The following PTPRQ variants were observed in gnomAD, a reference collection of about 807,000 sequenced individuals.
PTPRQ encodes the protein protein tyrosine phosphatase receptor type Q, also known as phosphatidylinositol phosphatase PTPRQ.
Under a neutral mutation model 246.0 loss-of-function variants are expected in PTPRQ, and 199 were observed. That is an observed-to-expected ratio of 0.81 (90% CI 0.72 to 0.91). The LOEUF (loss-of-function observed/expected upper bound fraction) is 0.91, where lower values mean the gene tolerates loss of function less well. Among genes scored for constraint, PTPRQ ranks in the 40% least tolerant of loss-of-function variants. The probability of loss-of-function intolerance (pLI) is 0.00; values close to 1 mark genes in which losing one functional copy is unlikely to be tolerated. For missense variants in PTPRQ, 2,624 were observed against 2,528.4 expected (o/e 1.04, Z -0.81); for synonymous variants, 869 against 853.2 (o/e 1.02, Z -0.32).
At chr12:80,482,420 C>G (rs1436147934) in intron 8 of PTPRQ, among the ~76,000 whole-genome samples, 2 of 152,032 alleles carry the variant, frequency 1.3e-5, no homozygotes, top group Non-Finnish European at 2.9e-5. Context: ...ACCATAAAAA[C>G]CCTAGAAGAA....
chr12:80,493,247 C>A (rs1894505125), intron 9 of PTPRQ, 28 bp from the exon 10 acceptor site: 2 of 1,407,008 alleles, frequency 1.4e-6, no homozygotes, highest in Non-Finnish European at 1.9e-6. Flanking sequence ...CTGTCACAGT[C>A]TTTTAAAATA....
intron 8 of PTPRQ, among the ~76,000 whole-genome samples, chr12:80,478,980 A>C (rs898962144): frequency 1.3e-5 from 2 of 152,060 alleles, no homozygotes; most frequent in African/African-American, 4.8e-5. Context: ...GAACTTCCCC[A>C]ATCTAGCAAG....
rs1895940601 is a variant in PTPRQ at position 80,534,830 on chromosome 12, G to A, written c.2840-62G>A. ...TTTATAAACTGTAGGTAAAATTCAGGCCATTTCAGACATTACTTGTAAACA... is the reference window on the plus strand; with the variant it reads ...TTTATAAACTGTAGGTAAAATTCAGACCATTTCAGACATTACTTGTAAACA... On this transcript the variant is annotated intron_variant, in intron 18 of 44. Transcript: ENST00000644991. 8 of 1,479,650 alleles carry A rather than the reference G, an allele frequency of 5.4e-6. No individual in the cohort carries two copies. In the South Asian group the frequency reaches 1.1e-4, roughly 21 times the overall value. The allele number at this position is 1,479,650 out of a possible 1,614,324, so 91.7% of individuals were successfully genotyped here.
chr12:80,466,143 G>T (rs1893401747), intron 6 of PTPRQ, among the ~76,000 whole-genome samples: 1 of 152,138 alleles, frequency 6.6e-6, no homozygotes, highest in Non-Finnish European at 1.5e-5. Flanking sequence ...AAGCTGATAA[G>T]CAATTTCAGC....
intron 30 of PTPRQ, among the ~76,000 whole-genome samples, chr12:80,617,097 A>G (rs2121121046): frequency 6.6e-6 from 1 of 151,388 alleles, no homozygotes; most frequent in African/African-American, 2.4e-5. Context: ...AGGTGACAGC[A>G]TTAGGCTGGG....
At chr12:80,594,536 A>C (rs974524098) in intron 26 of PTPRQ, among the ~76,000 whole-genome samples, 2 of 152,140 alleles carry the variant, frequency 1.3e-5, no homozygotes, top group African/African-American at 4.8e-5. Context: ...CCGAATATTG[A>C]AGTTATTGGT....
chr12:80,608,385 A>C (rs1466089685), intron 27 of PTPRQ, among the ~76,000 whole-genome samples: 1 of 150,608 alleles, frequency 6.6e-6, no homozygotes. Flanking sequence ...AGGTTTAATA[A>C]AGAAAGGTAA....
At chr12:80,511,210 G>T (rs972653101) in intron 17 of PTPRQ, among the ~76,000 whole-genome samples, 1 of 152,020 alleles carries the variant, frequency 6.6e-6, no homozygotes, top group African/African-American at 2.4e-5. Flanking sequence ...TTTTAAAGAA[G>T]TCTCCTCTTC....
At chr12:80,517,732 C>T (rs896465227) in intron 17 of PTPRQ, among the ~76,000 whole-genome samples, 1 of 151,770 alleles carries the variant, frequency 6.6e-6, no homozygotes. Context: ...TATTTAGCAT[C>T]CACAAATAAA....
intron 26 of PTPRQ, among the ~76,000 whole-genome samples, chr12:80,591,256 G>A (rs1360170643): frequency 2.0e-5 from 3 of 150,424 alleles, no homozygotes; most frequent in Admixed American, 6.7e-5. Flanking sequence ...CTCCTAAGTA[G>A]CTAAGACTAC....
chr12:80,673,112 C>T, intron 42 of PTPRQ, 57 bp from the exon 43 acceptor site: 1 of 1,539,474 alleles, frequency 6.5e-7, no homozygotes, highest in East Asian at 2.5e-5. Context: ...TCTTTATCCC[C>T]ATCAAAATGA....
At chr12:80,648,577 A>T (rs1026980666) in intron 35 of PTPRQ, among the ~76,000 whole-genome samples, 1 of 152,094 alleles carries the variant, frequency 6.6e-6, no homozygotes, top group Non-Finnish European at 1.5e-5. Flanking sequence ...ACTAAATACC[A>T]TGCAATATAT....
rs1056395325 is a variant in PTPRQ, at chr12:80,631,702, T to C, written c.5687-490T>C. 3.2e-4 allele frequency among the ~76,000 whole-genome samples: 49 copies of C among 152,200 alleles called. 1 individual carries two copies. The highest frequency in any genetic ancestry group is 2.9e-5 in the Non-Finnish European group (2 of 68,038). ...GATTTCCTCACATGTTTTGGATGTA[T>C]TCTATGAAAGAGAGTCAAAGATGAC... On this transcript the variant is annotated intron_variant, in intron 33 of 44. Transcript: ENST00000644991.
At chr12:80,557,570 G>T (rs1316027067) in intron 25 of PTPRQ, among the ~76,000 whole-genome samples, 2 of 151,984 alleles carry the variant, frequency 1.3e-5, no homozygotes, top group Admixed American at 6.6e-5. Context: ...GAAACTTGCA[G>T]TCACAAAACA....
At chr12:80,639,768 C>T (rs147035784) in intron 35 of PTPRQ, among the ~76,000 whole-genome samples, 2 of 152,192 alleles carry the variant, frequency 1.3e-5, no homozygotes, top group Non-Finnish European at 2.9e-5. Flanking sequence ...TTGAATACTA[C>T]CCCGGTCTAC....
intron 16 of PTPRQ, among the ~76,000 whole-genome samples, chr12:80,507,017 T>C (rs1894982785): frequency 2.0e-5 from 3 of 152,012 alleles, no homozygotes; most frequent in Non-Finnish European, 2.9e-5. Flanking sequence ...TTTTTAAGAA[T>C]AGACATTAAC....
chr12:80,468,865 C>A lies in PTPRQ; in HGVS notation c.1039+27C>A, dbSNP rs770996910. 14 of 1,535,312 alleles carry A rather than the reference C, an allele frequency of 9.1e-6. No homozygotes were observed. In the South Asian group the frequency reaches 1.8e-4, roughly 19 times the overall value. On this transcript the variant is annotated intron_variant, in intron 7 of 44. Coordinates refer to ENST00000644991, the MANE Select transcript of PTPRQ (RefSeq NM_001145026.2). ...TAAGCCTTAATTGGTTTTGTGTTTG[C>A]CTTTTGGAGTGAGAATAATAAAATA...
chr12:80,566,550 T>A (rs1045646150), intron 25 of PTPRQ, among the ~76,000 whole-genome samples: 4 of 152,164 alleles, frequency 2.6e-5, no homozygotes, highest in Non-Finnish European at 5.9e-5. Flanking sequence ...TTCATTTTTA[T>A]TTTTTTGAGA....
At chr12:80,449,497 T>C (rs1446903442) in intron 3 of PTPRQ, among the ~76,000 whole-genome samples, 2 of 152,218 alleles carry the variant, frequency 1.3e-5, no homozygotes, top group Non-Finnish European at 2.9e-5. Context: ...TCTAGGGTTT[T>C]TATGGTTTTA....
Sources: allele counts gnomAD v4.1 joint callset (sites outside exome capture counted in the v4.1 genomes callset), GRCh38; gene constraint gnomAD v4.1.1; transcripts MANE v1.5; gene names NCBI Gene and HGNC (gene_info 2026-07-23, HGNC 2026-07-21).